Variants in CTDSPL2 observed in about 807,000 individuals in gnomAD.
The protein encoded by CTDSPL2 is CTD small phosphatase like 2.
Under a neutral mutation model 60.0 loss-of-function variants are expected in CTDSPL2, and 5 were observed. The observed-to-expected ratio is 0.08, with a 90% confidence interval of 0.04 to 0.18. The LOEUF is 0.18. Ranked by LOEUF, CTDSPL2 falls within the 10% of genes least tolerant of loss-of-function variation. The pLI is 1.00. For missense variants in CTDSPL2, 370 were observed against 548.8 expected (o/e 0.67, Z 3.26); for synonymous variants, 186 against 189.3 (o/e 0.98, Z 0.14).
At chr15:44,518,361 T>C (rs986307159) in intron 10 of CTDSPL2, among the ~76,000 whole-genome samples, 1 of 152,220 alleles carries the variant, frequency 6.6e-6, no homozygotes, top group Non-Finnish European at 1.5e-5. Flanking sequence ...CACTTTAGTA[T>C]TGTAAAACCT....
chr15:44,466,408 A>G (rs2080692138), intron 2 of CTDSPL2, among the ~76,000 whole-genome samples: 1 of 152,264 alleles, frequency 6.6e-6, no homozygotes, highest in South Asian at 2.1e-4. Flanking sequence ...GGTGGAATTT[A>G]TGGAGGAAAC....
intron 8 of CTDSPL2, among the ~76,000 whole-genome samples, chr15:44,507,276 G>T (rs1366297497): frequency 1.9e-4 from 29 of 151,514 alleles, no homozygotes; most frequent in Non-Finnish European, 4.1e-4. Context: ...GTAGAGATGG[G>T]GTTTCACCAT....
intron 1 of CTDSPL2, among the ~76,000 whole-genome samples, chr15:44,439,898 T>C (rs1388881293): frequency 2.0e-5 from 3 of 152,202 alleles, no homozygotes; most frequent in African/African-American, 7.2e-5. Context: ...CAAGGTAATG[T>C]TGGTCTCATA....
In CTDSPL2 at chr15:44,490,909, T is replaced by C; in HGVS notation, c.601T>C (p.Ser201Pro). ...TTTSTNGAAY[S>P]NQAVQVRPSL... ...TACATCAACTAATGGAGCAGCTTAC[T>C]CAAATCAAGCAGTTCAAGTGAGACC... Residue 201 changes from serine to proline, a missense_variant, in exon 5 of 13, where the codon TCA becomes CCA. By Grantham distance (74) the Ser-to-Pro change is moderately conservative. This residue lies in a region of CTDSPL2 where 287 missense variants were observed against 296.1 expected (regional missense o/e 0.97). Coordinates refer to ENST00000260327, the MANE Select transcript of CTDSPL2 (RefSeq NM_016396.3). The C allele has an allele frequency of 6.2e-7, 1 of 1,614,126 alleles. No individual in the cohort carries two copies.
chr15:44,480,163 G>C (rs1181634947), intron 2 of CTDSPL2, among the ~76,000 whole-genome samples: 1 of 152,124 alleles, frequency 6.6e-6, no homozygotes, highest in Non-Finnish European at 1.5e-5. Flanking sequence ...GACTGTTCCT[G>C]TCATTTCAAT....
Position 44,526,289 on chromosome 15 carries a change from T to G in CTDSPL2, c.*2115T>G, listed in dbSNP as rs1208165151. 5.3e-5 allele frequency: 8 copies of G among 152,176 alleles called. No homozygotes were observed. The highest frequency in any genetic ancestry group is 5.2e-4 in the Admixed American group (8 of 15,278). 9.4% of individuals were successfully genotyped at this position (152,176 alleles called of 1,614,324 possible). A position where few individuals can be genotyped will look rare whatever the true frequency, so the allele number is the denominator to read the frequency against. On this transcript the variant is annotated 3_prime_UTR_variant, in exon 13 of 13. Transcript: ENST00000260327. Reference sequence around the variant, plus strand: ...ACTTAAAAGATCTGAACTTTCAGCATGCATTCTGATTGCTGAAAGATTTCC... The same window carrying G: ...ACTTAAAAGATCTGAACTTTCAGCAGGCATTCTGATTGCTGAAAGATTTCC...
Position 44,528,515 on chromosome 15 carries a change from T to C in CTDSPL2, c.*4341T>C, listed in dbSNP as rs2081904179. The C allele has an allele frequency of 6.6e-6, 1 of 151,996 alleles. No individual in the cohort carries two copies. Among genetic ancestry groups the C allele is most frequent in the African/African-American group, 2.4e-5 (1 of 41,410 alleles). The allele number at this position is 151,996 out of a possible 1,614,324, so 9.4% of individuals were successfully genotyped here. A position where few individuals can be genotyped will look rare whatever the true frequency, so the allele number is the denominator to read the frequency against. On this transcript the variant is annotated 3_prime_UTR_variant, in exon 13 of 13. Transcript: ENST00000260327. Reference sequence around the variant, plus strand: ...ACATCTCTTTGTGGTAGAGTTTTTTTTTTTTTAAACTGGGACCAGATTTCA... The same window carrying C: ...ACATCTCTTTGTGGTAGAGTTTTTTCTTTTTTAAACTGGGACCAGATTTCA...
intron 10 of CTDSPL2, 147 bp from the exon 11 acceptor site, chr15:44,519,022 G>C (rs893576068): frequency 2.2e-6 from 1 of 448,666 alleles, no homozygotes; most frequent in Non-Finnish European, 3.8e-6. Context: ...GCAGCCCAAC[G>C]CTTAGACCCA....
chr15:44,430,707 C>G (rs2079839464), intron 1 of CTDSPL2, among the ~76,000 whole-genome samples: 1 of 152,142 alleles, frequency 6.6e-6, no homozygotes, highest in Admixed American at 6.5e-5. Flanking sequence ...TCACAAATAT[C>G]AAGTGTGCTG....
intron 8 of CTDSPL2, among the ~76,000 whole-genome samples, chr15:44,512,518 T>C (rs1382145227): frequency 1.3e-5 from 2 of 152,190 alleles, no homozygotes; most frequent in African/African-American, 2.4e-5. Flanking sequence ...AAATCTGTTT[T>C]GAAAAGACTC....
chr15:44,516,687 CTAA>C (rs2081659100), intron 10 of CTDSPL2: 1 of 152,168 alleles, frequency 6.6e-6, no homozygotes, highest in Non-Finnish European at 1.5e-5. Flanking sequence ...CTTTCATTTA[CTAA>C]TGAGGAACAA....
At chr15:44,428,872 T>C (rs2079800033) in intron 1 of CTDSPL2, among the ~76,000 whole-genome samples, 1 of 152,162 alleles carries the variant, frequency 6.6e-6, no homozygotes. Context: ...TTTCTTTACT[T>C]TTTCTTTCCT....
Position 44,486,691 on chromosome 15 carries a change from A to C in CTDSPL2, c.466A>C (p.Asn156His), listed in dbSNP as rs745408185. 2 of 1,585,996 alleles carry C rather than the reference A, an allele frequency of 1.3e-6. No homozygotes were observed. The highest frequency in any genetic ancestry group is 8.5e-7 in the Non-Finnish European group (1 of 1,170,452). The change falls in exon 4 of 13, where the codon AAT becomes CAT. Residue 156 changes from asparagine (N) to histidine (H), a missense_variant. Transcript: ENST00000260327. Reference sequence around the variant, plus strand: ...TGTCTTCAACTTTTTTTCACCAGCAAATAAAAATGGTAAGTATAAACTGTT... The same window carrying C: ...TGTCTTCAACTTTTTTTCACCAGCACATAAAAATGGTAAGTATAAACTGTT... ...SPVFNFFSPANKNGTSGSDSP... is the reference protein window; with the variant it reads ...SPVFNFFSPAHKNGTSGSDSP...
chr15:44,491,044 A>T, intron 5 of CTDSPL2, 45 bp downstream of exon 5: 1 of 1,391,664 alleles, frequency 7.2e-7, no homozygotes, highest in Non-Finnish European at 1.0e-6. Flanking sequence ...AGTAGTTGAT[A>T]AAAAATAACA....
chr15:44,445,563 C>T (rs1420075309), intron 1 of CTDSPL2, among the ~76,000 whole-genome samples: 1 of 151,892 alleles, frequency 6.6e-6, no homozygotes, highest in Non-Finnish European at 1.5e-5. Flanking sequence ...GAACTCTACT[C>T]TGTATTTGTA....
At chr15:44,495,611 A>T (rs1355418289) in intron 5 of CTDSPL2, among the ~76,000 whole-genome samples, 1 of 151,702 alleles carries the variant, frequency 6.6e-6, no homozygotes, top group Non-Finnish European at 1.5e-5. Flanking sequence ...TTTTAAAATA[A>T]ATCTTCAAAG....
intron 8 of CTDSPL2, among the ~76,000 whole-genome samples, chr15:44,505,397 T>C (rs1227853573): frequency 1.3e-5 from 2 of 151,270 alleles, no homozygotes; most frequent in Non-Finnish European, 2.9e-5. Flanking sequence ...CACTCCACCC[T>C]GGGTGACAGA....
chr15:44,479,878 A>T (rs1440915188), intron 2 of CTDSPL2, among the ~76,000 whole-genome samples: 3 of 152,032 alleles, frequency 2.0e-5, no homozygotes, highest in Non-Finnish European at 4.4e-5. Context: ...GCTCATTTTT[A>T]TGTGAAATTA....
intron 8 of CTDSPL2, among the ~76,000 whole-genome samples, chr15:44,501,624 T>A (rs2081383412): frequency 6.6e-6 from 1 of 152,142 alleles, no homozygotes. Flanking sequence ...ACAACTCTTT[T>A]TCTTATGTAT....
Sources: gnomAD v4.1 joint callset for allele counts (sites outside exome capture counted in the v4.1 genomes callset) on GRCh38, gnomAD v4.1.1 for gene constraint, gnomAD v4.1.1 regional missense constraint, MANE v1.5 for transcripts, NCBI Gene and HGNC (gene_info 2026-07-23, HGNC 2026-07-21) for gene names.